CCDC92: variants seen among roughly 807,000 people sequenced by gnomAD.
CCDC92 encodes the protein coiled-coil domain-containing protein 92.
Under a neutral mutation model 24.9 loss-of-function variants are expected in CCDC92, and 12 were observed. The ratio of observed to expected loss-of-function variants is 0.48; its 90% CI spans 0.31 to 0.78. The LOEUF (loss-of-function observed/expected upper bound fraction) is 0.78, where lower values mean the gene tolerates loss of function less well. CCDC92 is among the 30% of genes least tolerant of loss of function. The pLI, the probability that CCDC92 is intolerant of heterozygous loss-of-function variation, is 0.05. For missense variants in CCDC92, 399 were observed against 439.4 expected (o/e 0.91, Z 0.82); for synonymous variants, 193 against 196.3 (o/e 0.98, Z 0.14).
chr12:123,959,146 C>T (rs1956217365), intron 1 of CCDC92, among the ~76,000 whole-genome samples: 1 of 152,204 alleles, frequency 6.6e-6, no homozygotes, highest in Admixed American at 6.5e-5. Flanking sequence ...AACTCCCGTG[C>T]CTTACTTCCT....
chr12:123,953,919 G>A (rs971706678), intron 1 of CCDC92, among the ~76,000 whole-genome samples: 1 of 152,222 alleles, frequency 6.6e-6, no homozygotes, highest in Admixed American at 6.5e-5. Context: ...TCTCGCCACT[G>A]CACTCCAGCC....
At position 123,972,824 on chromosome 12, in the gene CCDC92, C is replaced by G. The variant is rs1187344155; in HGVS notation, c.-355G>C. On this transcript the variant is annotated 5_prime_UTR_variant, in exon 1 of 5. Transcript: ENST00000238156. ...GCTAGGCGCCGGCGCGGCGGCGGGCCTGTGTCTGCCGGGCTGGGCGGGGGC... is the reference window on the plus strand; with the variant it reads ...GCTAGGCGCCGGCGCGGCGGCGGGCGTGTGTCTGCCGGGCTGGGCGGGGGC... The G allele has an allele frequency of 6.8e-6, 1 of 147,156 alleles. No homozygotes were observed. Among genetic ancestry groups the G allele is most frequent in the African/African-American group, 2.4e-5 (1 of 40,874 alleles). The allele number at this position is 147,156 out of a possible 1,614,324, so 9.1% of individuals were successfully genotyped here. A position where few individuals can be genotyped will look rare whatever the true frequency, so the allele number is the denominator to read the frequency against.
At chr12:123,942,824 C>A (rs769109128) in intron 3 of CCDC92, 39 bp from the exon 4 acceptor site, 1 of 1,518,746 alleles carries the variant, frequency 6.6e-7, no homozygotes, top group Admixed American at 1.7e-5. Flanking sequence ...TTTTACTGTA[C>A]ATTTCAAAAT....
chr12:123,955,546 CTGACT>C (rs1206612765), intron 1 of CCDC92, among the ~76,000 whole-genome samples: 4 of 152,242 alleles, frequency 2.6e-5, no homozygotes, highest in African/African-American at 7.2e-5. Flanking sequence ...ACCAATTCAC[CTGACT>C]TAACTGATAG....
chr12:123,951,917 G>A (rs772369413), intron 1 of CCDC92, among the ~76,000 whole-genome samples: 2 of 152,186 alleles, frequency 1.3e-5, no homozygotes, highest in Non-Finnish European at 1.5e-5. Flanking sequence ...TCAACATCAG[G>A]CATCCAACAC....
intron 1 of CCDC92, among the ~76,000 whole-genome samples, chr12:123,948,600 C>T (rs944807080): frequency 2.2e-4 from 34 of 152,218 alleles, no homozygotes; most frequent in Non-Finnish European, 4.3e-4. Flanking sequence ...GTCTCCTGGC[C>T]TGGGGCATTT....
chr12:123,939,765 G>A (rs1377114219), intron 4 of CCDC92, among the ~76,000 whole-genome samples: 2 of 152,244 alleles, frequency 1.3e-5, no homozygotes, highest in Non-Finnish European at 2.9e-5. Context: ...CAGAGGTAGA[G>A]AGAGGGACAG....
At chr12:123,943,318 C>A (rs200237780) in intron 3 of CCDC92, 29 bp downstream of exon 3, 1 of 1,605,426 alleles carries the variant, frequency 6.2e-7, no homozygotes, top group South Asian at 1.1e-5. Flanking sequence ...AGCCGCCCCC[C>A]GCCTGCCCGG....
At chr12:123,945,608 C>T (rs956984221) in intron 1 of CCDC92, 7 of 152,226 alleles carry the variant, frequency 4.6e-5, no homozygotes, top group African/African-American at 1.4e-4. Flanking sequence ...AGGAAAATCC[C>T]AGGAGCGCCT....
At chr12:123,959,209 A>G (rs1956218656) in intron 1 of CCDC92, among the ~76,000 whole-genome samples, 1 of 152,242 alleles carries the variant, frequency 6.6e-6, no homozygotes, top group Non-Finnish European at 1.5e-5. Flanking sequence ...GTGGGGGAAG[A>G]TTGAGTTTAT....
Position 123,937,341 on chromosome 12 carries a change from TC to T in CCDC92, c.712del (p.Asp238MetfsTer70). 2 of 1,613,960 alleles carry T rather than the reference TC, an allele frequency of 1.2e-6. No homozygotes were observed. The highest frequency in any genetic ancestry group is 1.7e-6 in the Non-Finnish European group (2 of 1,180,022). On this transcript the variant is annotated frameshift_variant, in exon 5 of 5. Coordinates refer to ENST00000238156, the MANE Select transcript of CCDC92 (RefSeq NM_025140.3). LOFTEE classifies it high-confidence loss of function. The surrounding 1 kb of genome is among the most constrained non-coding windows in gnomAD (Gnocchi z 8.4). ...SRKLLLREPV[D>X]AMPDPTPFLL... Reference sequence around the variant, plus strand: ...AAATGGGGTGGGGTCGGGCATAGCATCCACTGGTTCCCGCAAAAGGAGTTTC... The same window carrying T: ...AAATGGGGTGGGGTCGGGCATAGCATCACTGGTTCCCGCAAAAGGAGTTTC...
intron 1 of CCDC92, among the ~76,000 whole-genome samples, chr12:123,963,214 T>A (rs1956315594): frequency 6.6e-6 from 1 of 152,094 alleles, no homozygotes. Context: ...AGGGTTAGGG[T>A]CAATCTAATT....
Position 123,972,658 on chromosome 12 carries a change from G to A in CCDC92, c.-189C>T, listed in dbSNP as rs2138275645. The A allele has an allele frequency of 1.4e-5, 2 of 147,808 alleles. No homozygotes were observed. Among genetic ancestry groups the A allele is most frequent in the South Asian group, 4.1e-4 (2 of 4,828 alleles). The allele number at this position is 147,808 out of a possible 1,614,324, so 9.2% of individuals were successfully genotyped here. On this transcript the variant is annotated 5_prime_UTR_variant, in exon 1 of 5. Coordinates refer to ENST00000238156, the MANE Select transcript of CCDC92 (RefSeq NM_025140.3). ...GGCGGGCGGGGCTGCCTGGGCTCGGGCGCTGCCCGGGCCGGGCCGCCGAGG... is the reference window on the plus strand; with the variant it reads ...GGCGGGCGGGGCTGCCTGGGCTCGGACGCTGCCCGGGCCGGGCCGCCGAGG...
chr12:123,967,326 C>G (rs1042830710), intron 1 of CCDC92, among the ~76,000 whole-genome samples: 1 of 152,154 alleles, frequency 6.6e-6, no homozygotes, highest in Non-Finnish European at 1.5e-5. Context: ...CAGGCCAAAC[C>G]TAATAACTTC....
chr12:123,948,754 C>T (rs374539059), intron 1 of CCDC92, among the ~76,000 whole-genome samples: 28 of 152,242 alleles, frequency 1.8e-4, no homozygotes, highest in East Asian at 9.6e-4. Flanking sequence ...GGAAACAAAA[C>T]ACATCTCCAA....
chr12:123,948,172 C>T (rs1479782522), intron 1 of CCDC92, among the ~76,000 whole-genome samples: 1 of 152,212 alleles, frequency 6.6e-6, no homozygotes, highest in Non-Finnish European at 1.5e-5. Flanking sequence ...AATGAGATGA[C>T]CACCTCACCC....
intron 1 of CCDC92, among the ~76,000 whole-genome samples, chr12:123,969,592 C>T (rs1006129894): frequency 1.3e-5 from 2 of 151,336 alleles, no homozygotes; most frequent in Admixed American, 1.3e-4. Context: ...CCTCAGCCTC[C>T]CGAGTAGCTG....
chr12:123,943,336 C>G lies in CCDC92; in HGVS notation c.181+11G>C. 1 of 1,610,938 alleles carries G rather than the reference C, an allele frequency of 6.2e-7. No individual in the cohort carries two copies. Among genetic ancestry groups the G allele is most frequent in the Non-Finnish European group, 8.5e-7 (1 of 1,179,532 alleles). On this transcript the variant is annotated intron_variant, in intron 3 of 4. Transcript: ENST00000238156. Reference sequence around the variant, plus strand: ...CGCCCCCCGCCTGCCCGGGCCTGCTCCCCGATGTACCTGTGCAGTGCTGCT... The same window carrying G: ...CGCCCCCCGCCTGCCCGGGCCTGCTGCCCGATGTACCTGTGCAGTGCTGCT...
At chr12:123,941,198 G>T (rs1955673260) in intron 4 of CCDC92, among the ~76,000 whole-genome samples, 1 of 152,210 alleles carries the variant, frequency 6.6e-6, no homozygotes, top group Non-Finnish European at 1.5e-5. Flanking sequence ...GGCAGGTGTG[G>T]ACGCTGGAGG....
Sources: allele counts gnomAD v4.1 joint callset (sites outside exome capture counted in the v4.1 genomes callset), GRCh38; gene constraint gnomAD v4.1.1; non-coding constraint Gnocchi (gnomAD v3.1); transcripts MANE v1.5; gene names NCBI Gene and HGNC (gene_info 2026-07-23, HGNC 2026-07-21).